XIRP2: variants seen among roughly 807,000 people sequenced by gnomAD.
The protein encoded by XIRP2 is xin actin binding repeat containing 2, also known as xin actin-binding repeat-containing protein 2.
In XIRP2, 236 loss-of-function variants were observed where a neutral mutation model predicts 277.0. That is an observed-to-expected ratio of 0.85 (90% CI 0.77 to 0.95). The LOEUF (loss-of-function observed/expected upper bound fraction) is 0.95, where lower values mean the gene tolerates loss of function less well. Ranked by LOEUF, XIRP2 falls within the 40% of genes least tolerant of loss-of-function variation. The pLI is 0.00. For missense variants in XIRP2, 4,640 were observed against 4,157.5 expected (o/e 1.12, Z -3.19); for synonymous variants, 1,490 against 1,416.5 (o/e 1.05, Z -1.17).
chr2:167,165,254 A>G (rs1160995983), intron 3 of XIRP2, among the ~76,000 whole-genome samples: 4 of 152,198 alleles, frequency 2.6e-5, no homozygotes, highest in Non-Finnish European at 5.9e-5. Flanking sequence ...CTACTGAAGA[A>G]CATTTTGGTT....
At chr2:167,050,538 G>A (rs1443744137) in intron 2 of XIRP2, among the ~76,000 whole-genome samples, 1 of 151,960 alleles carries the variant, frequency 6.6e-6, no homozygotes, top group East Asian at 1.9e-4. Context: ...GTTAGAATGG[G>A]AGATACACAG....
At chr2:167,108,264 G>T (rs1690660945) in intron 2 of XIRP2, among the ~76,000 whole-genome samples, 1 of 151,494 alleles carries the variant, frequency 6.6e-6, no homozygotes, top group South Asian at 2.1e-4. Flanking sequence ...CTAGAGTTTT[G>T]TCAATTTTAT....
intron 4 of XIRP2, among the ~76,000 whole-genome samples, chr2:167,211,586 G>A (rs1033986213): frequency 3.3e-5 from 5 of 152,108 alleles, no homozygotes; most frequent in Non-Finnish European, 5.9e-5. Context: ...CAGGAAGGTC[G>A]GGAATTAATT....
chr2:167,128,456 T>C (rs1347076565), intron 2 of XIRP2, among the ~76,000 whole-genome samples: 3 of 152,090 alleles, frequency 2.0e-5, no homozygotes, highest in Non-Finnish European at 4.4e-5. Flanking sequence ...GTTGGCGAGC[T>C]GGGAAACCCG....
At position 167,258,369 on chromosome 2, in the gene XIRP2, A is replaced by C. The variant is rs751004306; in HGVS notation, c.*552A>C. ...TTGCAGCCTTATCTACAGTCCACCC[A>C]TGTTTGTCAGAAAGAGGATGTTATA... On this transcript the variant is annotated 3_prime_UTR_variant, in exon 11 of 11. Transcript: ENST00000409195. 1.6e-5 allele frequency: 26 copies of C among 1,613,422 alleles called. No individual in the cohort carries two copies. Among genetic ancestry groups the C allele is most frequent in the Non-Finnish European group, 2.2e-5 (26 of 1,179,650 alleles).
chr2:167,145,899 T>C (rs536692362), intron 3 of XIRP2, among the ~76,000 whole-genome samples: 2 of 151,988 alleles, frequency 1.3e-5, no homozygotes, highest in East Asian at 1.9e-4. Context: ...AAGTCCAAAA[T>C]TTACAAACAC....
At chr2:167,041,449 T>G (rs1454553681) in intron 2 of XIRP2, among the ~76,000 whole-genome samples, 1 of 152,048 alleles carries the variant, frequency 6.6e-6, no homozygotes, top group Non-Finnish European at 1.5e-5. Context: ...ATACAAGAGC[T>G]GAAAGACAAA....
At chr2:166,960,968 A>T (rs970222600) in intron 2 of XIRP2, among the ~76,000 whole-genome samples, 2 of 151,714 alleles carry the variant, frequency 1.3e-5, no homozygotes, top group African/African-American at 4.8e-5. Context: ...AGCTCAGTTT[A>T]AGTATCATCA....
intron 2 of XIRP2, among the ~76,000 whole-genome samples, chr2:167,081,515 T>C (rs1347550051): frequency 1.3e-5 from 2 of 152,286 alleles, no homozygotes; most frequent in East Asian, 3.9e-4. Flanking sequence ...TATTACATGA[T>C]TACTTTCATT....
At chr2:167,228,349 C>T (rs1471461199) in intron 5 of XIRP2, among the ~76,000 whole-genome samples, 3 of 152,178 alleles carry the variant, frequency 2.0e-5, no homozygotes, top group African/African-American at 4.8e-5. Context: ...ATGAGTTACA[C>T]TGCTAATGCG....
At chr2:167,037,557 G>GTGTT (rs1384594845) in intron 2 of XIRP2, among the ~76,000 whole-genome samples, 1 of 147,492 alleles carries the variant, frequency 6.8e-6, no homozygotes, top group African/African-American at 2.5e-5. Context: ...GTGTGTGTGT[G>GTGTT]TTTTAAGATA....
chr2:167,152,128 A>G (rs772209482), intron 3 of XIRP2, among the ~76,000 whole-genome samples: 4 of 152,122 alleles, frequency 2.6e-5, no homozygotes, highest in Non-Finnish European at 5.9e-5. Flanking sequence ...CTACCCTAAC[A>G]TATGACACCC....
At chr2:166,895,460 G>A (rs972917918) in intron 1 of XIRP2, among the ~76,000 whole-genome samples, 6 of 152,132 alleles carry the variant, frequency 3.9e-5, no homozygotes, top group African/African-American at 1.4e-4. Context: ...AAATAAGGTG[G>A]TAGGTGGGTC....
Position 167,243,607 on chromosome 2 carries a change from C to T in XIRP2, c.2215C>T (p.Gln739Ter). Reference sequence around the variant, plus strand: ...AAGAAGTATAAAATGTTTCGAAACTCAACCATTATATGTTATTAGAGATGG... The same window carrying T: ...AAGAAGTATAAAATGTTTCGAAACTTAACCATTATATGTTATTAGAGATGG... Reference protein sequence around the residue: ...VKRSIKCFETQPLYVIRDGSG... With the variant: ...VKRSIKCFET The change falls in exon 9 of 11, where the codon CAA becomes TAA. Residue 739 changes from glutamine to a stop codon, truncating the protein, a stop_gained. Coordinates refer to ENST00000409195, the MANE Select transcript of XIRP2 (RefSeq NM_152381.6). LOFTEE classifies it high-confidence loss of function. 6.2e-7 allele frequency: 1 copy of T among 1,613,940 alleles called. No homozygotes were observed. The highest frequency in any genetic ancestry group is 1.1e-5 in the South Asian group (1 of 91,068).
chr2:167,147,780 G>T (rs796297402), intron 3 of XIRP2, among the ~76,000 whole-genome samples: 1 of 152,176 alleles, frequency 6.6e-6, no homozygotes, highest in Non-Finnish European at 1.5e-5. Context: ...AACTGTAGTG[G>T]TGAGAATAAC....
chr2:166,939,846 G>C (rs1281863313), intron 2 of XIRP2, among the ~76,000 whole-genome samples: 1 of 152,050 alleles, frequency 6.6e-6, no homozygotes, highest in Non-Finnish European at 1.5e-5. Flanking sequence ...CCCTTTGTGG[G>C]TAACCCGACC....
intron 2 of XIRP2, among the ~76,000 whole-genome samples, chr2:166,909,353 T>A (rs1224110468): frequency 2.6e-5 from 4 of 152,216 alleles, no homozygotes; most frequent in Admixed American, 2.0e-4. Context: ...GTTGGATTCC[T>A]AAGTATTTTA....
At chr2:167,005,538 C>T (rs1361695766) in intron 2 of XIRP2, among the ~76,000 whole-genome samples, 1 of 151,730 alleles carries the variant, frequency 6.6e-6, no homozygotes, top group Admixed American at 6.6e-5. Flanking sequence ...AACTGAAAAA[C>T]TTTAAAACAA....
At chr2:166,963,057 A>G (rs547998887) in intron 2 of XIRP2, among the ~76,000 whole-genome samples, 8 of 151,744 alleles carry the variant, frequency 5.3e-5, no homozygotes, top group Non-Finnish European at 8.8e-5. Flanking sequence ...TTACAAATAT[A>G]CTAATTACCT....
Sources: allele counts gnomAD v4.1 joint callset (sites outside exome capture counted in the v4.1 genomes callset), GRCh38; gene constraint gnomAD v4.1.1; transcripts MANE v1.5; gene names NCBI Gene and HGNC (gene_info 2026-07-23, HGNC 2026-07-21).